The following ROR1 variants were observed in gnomAD, a reference collection of about 807,000 sequenced individuals.
ROR1 encodes the protein inactive tyrosine-protein kinase transmembrane receptor ROR1.
ROR1 carries 19 observed loss-of-function variants against 78.8 expected under a neutral mutation model. The observed-to-expected ratio is 0.24, with a 90% CI of 0.17 to 0.35. The LOEUF (loss-of-function observed/expected upper bound fraction) is 0.35. ROR1 is among the 10% of genes least tolerant of loss of function. The probability of loss-of-function intolerance (pLI) is 1.00; values close to 1 mark genes in which losing one functional copy is unlikely to be tolerated. For synonymous variants in ROR1, 386 were observed against 433.6 expected (o/e 0.89, Z 1.36); for missense variants, 917 against 1,177.8 (o/e 0.78, Z 3.24).
intron 1 of ROR1, among the ~76,000 whole-genome samples, chr1:63,985,701 A>G (rs534022766): frequency 6.6e-6 from 1 of 152,020 alleles, no homozygotes; most frequent in Non-Finnish European, 1.5e-5. Context: ...GGCAACACAG[A>G]AAGACCCTGT....
rs368565472 is a variant in ROR1 at position 63,867,011 on chromosome 1, A to G, written c.91+92503A>G. On this transcript the variant is annotated intron_variant, in intron 1 of 8. Coordinates refer to ENST00000371079, the MANE Select transcript of ROR1 (RefSeq NM_005012.4). Reference sequence around the variant, plus strand: ...ATAGTGAAAACCATTATTTTAATTAATCTAGCTACAGTGTTTGTACAGCCA... The same window carrying G: ...ATAGTGAAAACCATTATTTTAATTAGTCTAGCTACAGTGTTTGTACAGCCA... Among the ~76,000 whole-genome samples the G allele has an allele frequency of 1.8e-4, 27 of 152,322 alleles. 1 individual carries two copies. The highest frequency in any genetic ancestry group is 1.0e-3 in the Admixed American group (16 of 15,296).
chr1:64,050,237 GA>G (rs1488631198), intron 3 of ROR1, among the ~76,000 whole-genome samples: 1 of 152,188 alleles, frequency 6.6e-6, no homozygotes, highest in African/African-American at 2.4e-5. Flanking sequence ...GCCCCTAATT[GA>G]AACCATCGTG....
chr1:63,993,692 G>GT (rs1646314292), intron 1 of ROR1, among the ~76,000 whole-genome samples: 1 of 152,100 alleles, frequency 6.6e-6, no homozygotes, highest in Non-Finnish European at 1.5e-5. Context: ...AGTGCATACA[G>GT]TTTCCTTGTT....
intron 1 of ROR1, among the ~76,000 whole-genome samples, chr1:63,807,571 G>C (rs1644837411): frequency 6.6e-6 from 1 of 152,132 alleles, no homozygotes; most frequent in Admixed American, 6.5e-5. Context: ...GGCTGTCCCA[G>C]GCTTTAGAGC....
intron 1 of ROR1, among the ~76,000 whole-genome samples, chr1:64,004,761 C>G (rs1646414902): frequency 6.6e-6 from 1 of 152,144 alleles, no homozygotes; most frequent in African/African-American, 2.4e-5. Context: ...GGATTCAAGG[C>G]TTACTTTTTC....
At chr1:64,137,678 G>A (rs1241447647) in intron 5 of ROR1, among the ~76,000 whole-genome samples, 182 bp downstream of exon 5, 1 of 152,148 alleles carries the variant, frequency 6.6e-6, no homozygotes, top group Non-Finnish European at 1.5e-5. Flanking sequence ...ATTTATTGAA[G>A]GTTGCTCTTA....
intron 1 of ROR1, among the ~76,000 whole-genome samples, chr1:63,914,466 A>C (rs2100420653): frequency 6.6e-6 from 1 of 152,300 alleles, no homozygotes; most frequent in South Asian, 2.1e-4. Flanking sequence ...GGCTGTCCCC[A>C]GTATTTCAGC....
chr1:64,094,233 A>G (rs2100647831), intron 4 of ROR1, among the ~76,000 whole-genome samples: 1 of 152,286 alleles, frequency 6.6e-6, no homozygotes. Flanking sequence ...CCTTTAACAA[A>G]CAACACCCCT....
At chr1:63,900,041 T>C (rs994846532) in intron 1 of ROR1, among the ~76,000 whole-genome samples, 2 of 152,110 alleles carry the variant, frequency 1.3e-5, no homozygotes, top group Non-Finnish European at 2.9e-5. Context: ...GAGACTAGTG[T>C]TGCTGAATTA....
chr1:64,083,319 G>A (rs1485494044), intron 4 of ROR1, among the ~76,000 whole-genome samples: 2 of 152,166 alleles, frequency 1.3e-5, no homozygotes, highest in Non-Finnish European at 2.9e-5. Flanking sequence ...CTGAGGTCTT[G>A]TATTTAGAGA....
chr1:64,012,612 A>G (rs1285295344), intron 2 of ROR1, among the ~76,000 whole-genome samples: 3 of 152,214 alleles, frequency 2.0e-5, no homozygotes, highest in Non-Finnish European at 2.9e-5. Context: ...TGTTGAGCTT[A>G]CTTTAAAAAA....
rs1353078383 is a variant in ROR1 at position 64,143,386 on chromosome 1, T to C, written c.1174+736T>C. On this transcript the variant is annotated intron_variant, in intron 7 of 8. Coordinates refer to ENST00000371079, the MANE Select transcript of ROR1 (RefSeq NM_005012.4). ...AAAAAAGAAAAAAAAAAAAAGAAAA[T>C]GTTGGTGAAACCTGGAGTTAGGAAC... 3 of 955,482 alleles carry C rather than the reference T, an allele frequency of 3.1e-6. No homozygotes were observed. In the African/African-American group the frequency reaches 5.6e-5, roughly 18 times the overall value. The allele number at this position is 955,482 out of a possible 1,614,324, so 59.2% of individuals were successfully genotyped here.
chr1:63,786,803 GAAGGA>G (rs1644691413), intron 1 of ROR1, among the ~76,000 whole-genome samples: 1 of 152,084 alleles, frequency 6.6e-6, no homozygotes, highest in Admixed American at 6.6e-5. Flanking sequence ...GGATGGGAGG[GAAGGA>G]AAGGAGGGGC....
intron 1 of ROR1, among the ~76,000 whole-genome samples, chr1:63,904,064 G>T (rs963719511): frequency 3.3e-5 from 5 of 152,172 alleles, no homozygotes; most frequent in African/African-American, 1.2e-4. Context: ...AGAACAGTCA[G>T]GGAATGGTAG....
intron 2 of ROR1, among the ~76,000 whole-genome samples, chr1:64,045,365 G>C (rs982615946): frequency 6.6e-6 from 1 of 151,790 alleles, no homozygotes; most frequent in African/African-American, 2.4e-5. Context: ...ACTATTTTTG[G>C]TATACGCGTG....
chr1:63,907,271 G>A (rs1046321292), intron 1 of ROR1, among the ~76,000 whole-genome samples: 3 of 152,146 alleles, frequency 2.0e-5, no homozygotes, highest in Non-Finnish European at 2.9e-5. Flanking sequence ...GGCGATGTTG[G>A]CAAATAATAA....
At chr1:63,918,742 TAGAG>T (rs905442027) in intron 1 of ROR1, among the ~76,000 whole-genome samples, 10 of 152,152 alleles carry the variant, frequency 6.6e-5, no homozygotes, top group African/African-American at 1.9e-4. Flanking sequence ...TTTGTGTAAA[TAGAG>T]AGAGGGCCAA....
chr1:63,989,162 G>GT (rs1287163623), intron 1 of ROR1, among the ~76,000 whole-genome samples: 2,287 of 117,354 alleles, frequency 0.019, 64 homozygotes, highest in East Asian at 0.033. Context: ...GTCATTTTCT[G>GT]TTTTTGTTTT....
At chr1:63,984,860 G>C (rs1474229976) in intron 1 of ROR1, among the ~76,000 whole-genome samples, 1 of 152,184 alleles carries the variant, frequency 6.6e-6, no homozygotes, top group Non-Finnish European at 1.5e-5. Context: ...CTCATTAACT[G>C]TTCCACCCAA....
Sources: gnomAD v4.1 joint callset for allele counts (sites outside exome capture counted in the v4.1 genomes callset) on GRCh38, gnomAD v4.1.1 for gene constraint, MANE v1.5 for transcripts, NCBI Gene and HGNC (gene_info 2026-07-23, HGNC 2026-07-21) for gene names.